CCDC102B: variants seen among roughly 807,000 people sequenced by gnomAD.
CCDC102B encodes the protein coiled-coil domain containing 102B.
In CCDC102B, 75 loss-of-function variants were observed where a neutral mutation model predicts 57.4. The ratio of observed to expected loss-of-function variants is 1.31; its 90% CI spans 1.08 to 1.58. CCDC102B has a LOEUF of 1.58. Ranked by LOEUF, CCDC102B falls within the 40% of genes most tolerant of loss-of-function variation. The pLI is 0.00. For synonymous variants in CCDC102B, 206 were observed against 201.9 expected (o/e 1.02, Z -0.17); for missense variants, 636 against 582.6 (o/e 1.09, Z -0.94).
chr18:68,755,255 T>C (rs1488921201), intron 2 of CCDC102B, among the ~76,000 whole-genome samples: 1 of 152,152 alleles, frequency 6.6e-6, no homozygotes, highest in Non-Finnish European at 1.5e-5. Context: ...CAAGTCTTTA[T>C]TGTAGTCACT....
chr18:68,978,147 T>A (rs1267746304), intron 6 of CCDC102B, among the ~76,000 whole-genome samples: 2 of 152,050 alleles, frequency 1.3e-5, no homozygotes, highest in African/African-American at 2.4e-5. Flanking sequence ...ATCCTATTCT[T>A]CTCGAGTGAG....
chr18:69,012,676 G>A (rs1045543161), intron 7 of CCDC102B, among the ~76,000 whole-genome samples: 1 of 151,868 alleles, frequency 6.6e-6, no homozygotes, highest in Admixed American at 6.6e-5. Flanking sequence ...CACGTCCTGA[G>A]GCCACCATGT....
intron 7 of CCDC102B, among the ~76,000 whole-genome samples, chr18:69,042,782 T>C (rs181359508): frequency 1.1e-3 from 160 of 151,804 alleles, no homozygotes; most frequent in African/African-American, 3.6e-3. Flanking sequence ...AAATAAACTT[T>C]TGAAAGAGAT....
At chr18:68,984,380 C>T (rs1300466083) in intron 6 of CCDC102B, among the ~76,000 whole-genome samples, 2 of 151,974 alleles carry the variant, frequency 1.3e-5, no homozygotes, top group Non-Finnish European at 2.9e-5. Context: ...AAGGTGATGT[C>T]GATTTGCTGA....
chr18:68,816,103 A>G (rs1000045145), intron 1 of CCDC102B, among the ~76,000 whole-genome samples: 1 of 152,218 alleles, frequency 6.6e-6, no homozygotes, highest in African/African-American at 2.4e-5. Flanking sequence ...TAAATTGTTA[A>G]AAGAATTGAT....
In CCDC102B at chr18:68,781,473, T is replaced by C. The variant is rs181469280; in HGVS notation, c.-66-41893T>C. On this transcript the variant is annotated intron_variant, in intron 2 of 3. Transcript: ENST00000578970. ...TTCCATGGATGACCTCCAAGGGCCATTGTTGGAGGAAATTAGATGTGAAGA... is the reference window on the plus strand; with the variant it reads ...TTCCATGGATGACCTCCAAGGGCCACTGTTGGAGGAAATTAGATGTGAAGA... 2.9e-3 allele frequency among the ~76,000 whole-genome samples: 438 copies of C among 152,226 alleles called. 2 individuals are homozygous for C. Among genetic ancestry groups the C allele is most frequent in the Non-Finnish European group, 3.9e-3 (262 of 67,994 alleles).
intron 1 of CCDC102B, among the ~76,000 whole-genome samples, chr18:68,826,600 AAG>A (rs754602736): frequency 4.6e-5 from 7 of 152,126 alleles, no homozygotes; most frequent in Admixed American, 1.3e-4. Context: ...TGAATACCAA[AAG>A]AGGGGATAAG....
chr18:68,798,094 G>A lies in CCDC102B; in HGVS notation c.-103G>A, dbSNP rs139433611. 5.0e-4 allele frequency: 76 copies of A among 152,254 alleles called. 1 individual carries two copies. The highest frequency in any genetic ancestry group is 1.4e-3 in the African/African-American group (60 of 41,562). The allele number at this position is 152,254 out of a possible 1,614,324, so 9.4% of individuals were successfully genotyped here. A position where few individuals can be genotyped will look rare whatever the true frequency, so the allele number is the denominator to read the frequency against. ...TCCTGTTGGCTAGGACTCCAGAACT[G>A]TACGGATGAGAAAAGGATGCAGGAA... On this transcript the variant is annotated 5_prime_UTR_variant, in exon 1 of 8. Coordinates refer to ENST00000360242, the MANE Select transcript of CCDC102B (RefSeq NM_024781.3).
In CCDC102B at chr18:68,911,994, C is replaced by T. The variant is rs537715052; in HGVS notation, c.1263+14566C>T. Among the ~76,000 whole-genome samples, 4 of 152,090 alleles carry T rather than the reference C, an allele frequency of 2.6e-5. No homozygotes were observed. The East Asian group carries it at 7.7e-4, about 29-fold the overall frequency. On this transcript the variant is annotated intron_variant, in intron 6 of 7. Transcript: ENST00000360242. ...CATTTTGGTTTTGTAAAAGCTGTTA[C>T]TGAACTCAAGAAAATATTTTGTAAA... is the stretch of plus-strand genomic sequence containing the variant.
upstream of CCDC102B, among the ~76,000 whole-genome samples, chr18:68,795,431 G>T (rs1190336811): frequency 2.0e-5 from 3 of 152,076 alleles, 1 homozygote; most frequent in South Asian, 6.2e-4. Flanking sequence ...CAAGTTTGTG[G>T]CTTAAAACAA....
At chr18:69,034,555 T>C (rs2052235850) in intron 7 of CCDC102B, among the ~76,000 whole-genome samples, 1 of 152,028 alleles carries the variant, frequency 6.6e-6, no homozygotes, top group Non-Finnish European at 1.5e-5. Context: ...GACACAATTA[T>C]ATTCCACTGG....
At chr18:69,014,817 T>C (rs1194660469) in intron 7 of CCDC102B, among the ~76,000 whole-genome samples, 1 of 152,040 alleles carries the variant, frequency 6.6e-6, no homozygotes, top group Non-Finnish European at 1.5e-5. Context: ...CATAGAACTA[T>C]AGAGTCATTG....
intron 7 of CCDC102B, among the ~76,000 whole-genome samples, chr18:69,041,354 A>G (rs2145473932): frequency 6.6e-6 from 1 of 152,160 alleles, no homozygotes; most frequent in East Asian, 1.9e-4. Flanking sequence ...TTACCCCGAT[A>G]GTGTATCTTG....
intron 6 of CCDC102B, among the ~76,000 whole-genome samples, chr18:69,001,389 TCCTTA>T: frequency 6.6e-6 from 1 of 152,260 alleles, no homozygotes; most frequent in East Asian, 1.9e-4. Flanking sequence ...GTAGGACTTT[TCCTTA>T]GTTCAGCTAA....
intron 6 of CCDC102B, among the ~76,000 whole-genome samples, chr18:68,951,558 C>T (rs925692237): frequency 4.6e-5 from 7 of 152,032 alleles, no homozygotes; most frequent in African/African-American, 1.2e-4. Flanking sequence ...CCGTAATCCC[C>T]GTACTTTGGG....
rs138481969 is a variant in CCDC102B, at chr18:68,777,251, T to G, written c.-66-46115T>G. Reference sequence around the variant, plus strand: ...ACGTACACATGTCTTTGCTGTATCTTTCTTCTCAGTAGGTGAATTGATCAT... The same window carrying G: ...ACGTACACATGTCTTTGCTGTATCTGTCTTCTCAGTAGGTGAATTGATCAT... On this transcript the variant is annotated intron_variant, in intron 2 of 3. Transcript: ENST00000578970. 4.3e-3 allele frequency among the ~76,000 whole-genome samples: 657 copies of G among 152,338 alleles called. 2 individuals carry two copies. Among genetic ancestry groups the G allele is most frequent in the Non-Finnish European group, 6.5e-3 (445 of 68,024 alleles).
intron 5 of CCDC102B, among the ~76,000 whole-genome samples, chr18:68,881,019 T>C (rs529797172): frequency 1.0e-3 from 158 of 152,350 alleles, no homozygotes; most frequent in African/African-American, 3.7e-3. Context: ...GAGTCTCTGA[T>C]TTTAGGCTTT....
chr18:68,897,872 GT>G (rs1266305439), intron 6 of CCDC102B: 1 of 206,678 alleles, frequency 4.8e-6, no homozygotes, highest in Non-Finnish European at 9.9e-6. Flanking sequence ...CTGCTTTCTG[GT>G]TCTTTTTTGT....
intron 6 of CCDC102B, among the ~76,000 whole-genome samples, chr18:68,972,788 G>C (rs2050335385): frequency 1.3e-5 from 2 of 152,020 alleles, no homozygotes; most frequent in Non-Finnish European, 2.9e-5. Context: ...TTCCGGGTGA[G>C]TTTTGCTCTT....
Sources: allele counts gnomAD v4.1 joint callset (sites outside exome capture counted in the v4.1 genomes callset), GRCh38; gene constraint gnomAD v4.1.1; transcripts MANE v1.5; gene names NCBI Gene and HGNC (gene_info 2026-07-23, HGNC 2026-07-21).